Variants in LDLRAD4 observed in about 807,000 individuals in gnomAD.
LDLRAD4 encodes the protein low-density lipoprotein receptor class A domain-containing protein 4.
In LDLRAD4, 5 loss-of-function variants were observed where a neutral mutation model predicts 17.0. That is an observed-to-expected ratio of 0.29 (90% CI 0.15 to 0.62). The LOEUF (loss-of-function observed/expected upper bound fraction) is 0.62, where lower values mean the gene tolerates loss of function less well. Ranked by LOEUF, LDLRAD4 falls within the 20% of genes least tolerant of loss-of-function variation. The pLI, the probability that LDLRAD4 is intolerant of heterozygous loss-of-function variation, is 0.84. For synonymous variants in LDLRAD4, 168 were observed against 171.8 expected (o/e 0.98, Z 0.17); for missense variants, 340 against 424.7 (o/e 0.80, Z 1.75).
chr18:13,421,630 C>T (rs188319435), intron 2 of LDLRAD4, among the ~76,000 whole-genome samples: 1 of 152,266 alleles, frequency 6.6e-6, no homozygotes, highest in Non-Finnish European at 1.5e-5. Context: ...TCAGAAGGCA[C>T]CCGTGGCTGC....
chr18:13,580,581 T>A (rs1601527767), intron 3 of LDLRAD4, among the ~76,000 whole-genome samples: 1 of 152,208 alleles, frequency 6.6e-6, no homozygotes, highest in East Asian at 1.9e-4. Context: ...TGCAGGACTC[T>A]GCTGGAATGT....
At chr18:13,400,831 T>C (rs1186955139) in intron 2 of LDLRAD4, among the ~76,000 whole-genome samples, 1 of 152,202 alleles carries the variant, frequency 6.6e-6, no homozygotes, top group Non-Finnish European at 1.5e-5. Flanking sequence ...ATTTATTGAC[T>C]TCACATGTGT....
At chr18:13,588,090 A>G (rs927818371) in intron 3 of LDLRAD4, among the ~76,000 whole-genome samples, 7 of 152,210 alleles carry the variant, frequency 4.6e-5, no homozygotes, top group Admixed American at 2.0e-4. Context: ...TCGGGAAAAA[A>G]AAACCATTCT....
chr18:13,513,859 T>G (rs2093820877), intron 3 of LDLRAD4, among the ~76,000 whole-genome samples: 2 of 152,230 alleles, frequency 1.3e-5, no homozygotes, highest in African/African-American at 4.8e-5. Flanking sequence ...TGATGAAGAC[T>G]CTGATTCAAA....
intron 1 of LDLRAD4, among the ~76,000 whole-genome samples, chr18:13,301,186 C>A (rs548099837): frequency 6.6e-6 from 1 of 152,160 alleles, no homozygotes; most frequent in Non-Finnish European, 1.5e-5. Context: ...GTACCTTTAG[C>A]GTGCTGGAGA....
At chr18:13,588,498 A>G (rs983011503) in intron 3 of LDLRAD4, among the ~76,000 whole-genome samples, 2 of 152,152 alleles carry the variant, frequency 1.3e-5, no homozygotes, top group Non-Finnish European at 2.9e-5. Flanking sequence ...TCATTAAGGA[A>G]TGTATTTTAA....
chr18:13,491,018 G>A (rs2093347381), intron 3 of LDLRAD4, among the ~76,000 whole-genome samples: 1 of 152,170 alleles, frequency 6.6e-6, no homozygotes. Context: ...GGATTTAGTT[G>A]GACACAGTGG....
chr18:13,330,213 C>A (rs760795753), intron 1 of LDLRAD4, among the ~76,000 whole-genome samples: 9 of 152,184 alleles, frequency 5.9e-5, no homozygotes, highest in Non-Finnish European at 1.2e-4. Flanking sequence ...CCTGCCTTGG[C>A]CTCCCAAAGT....
intron 3 of LDLRAD4, among the ~76,000 whole-genome samples, chr18:13,508,748 A>C (rs1395279363): frequency 6.6e-6 from 1 of 152,228 alleles, no homozygotes; most frequent in Non-Finnish European, 1.5e-5. Flanking sequence ...CCTGGTCACC[A>C]AGAGCTCTGA....
chr18:13,376,869 G>C (rs1478077817), intron 1 of LDLRAD4, among the ~76,000 whole-genome samples: 1 of 152,210 alleles, frequency 6.6e-6, no homozygotes, highest in Non-Finnish European at 1.5e-5. Context: ...AGTGGAAATT[G>C]GTCTAATGAA....
intron 3 of LDLRAD4, among the ~76,000 whole-genome samples, chr18:13,446,742 C>T (rs953107160): frequency 3.3e-5 from 5 of 152,230 alleles, no homozygotes; most frequent in Non-Finnish European, 7.3e-5. Context: ...CTGTTTCTGC[C>T]ATCACCATCC....
At chr18:13,449,319 A>ACTTT (rs1421855660) in intron 3 of LDLRAD4, among the ~76,000 whole-genome samples, 1 of 152,166 alleles carries the variant, frequency 6.6e-6, no homozygotes, top group Admixed American at 6.5e-5. Context: ...CAGGGCAGAA[A>ACTTT]CTTTTCATTC....
chr18:13,503,256 G>T (rs1186569767), intron 3 of LDLRAD4, among the ~76,000 whole-genome samples: 1 of 152,158 alleles, frequency 6.6e-6, no homozygotes, highest in Non-Finnish European at 1.5e-5. Context: ...GTTGGAAATG[G>T]CAGCATTGAA....
intron 3 of LDLRAD4, among the ~76,000 whole-genome samples, chr18:13,452,313 C>T (rs1233467310): frequency 6.6e-6 from 1 of 152,148 alleles, no homozygotes; most frequent in Admixed American, 6.5e-5. Flanking sequence ...GGCTCCTGGC[C>T]ACCCTCCTTG....
At chr18:13,241,896 A>G (rs926027383) in intron 1 of LDLRAD4, 2 of 152,268 alleles carry the variant, frequency 1.3e-5, no homozygotes, top group Admixed American at 6.5e-5. Flanking sequence ...GTGATTAAAA[A>G]TAAATGTCGT....
chr18:13,500,572 G>A (rs537442415), intron 3 of LDLRAD4: 5 of 152,290 alleles, frequency 3.3e-5, no homozygotes, highest in African/African-American at 1.2e-4. Context: ...CCCTTTCGGC[G>A]GTCCTTTGTG....
At chr18:13,629,553 A>G (rs549771335) in intron 4 of LDLRAD4, among the ~76,000 whole-genome samples, 1 of 152,364 alleles carries the variant, frequency 6.6e-6, no homozygotes, top group South Asian at 2.1e-4. Flanking sequence ...AACTGATGCT[A>G]AAGGCAGTAA....
Position 13,255,439 on chromosome 18 carries a change from C to T in LDLRAD4, c.-466-22666C>T, listed in dbSNP as rs1056340991. ...ACTCTGTGCAAAGGCTGTGGGTGAG[C>T]GGTTGCCTGGAGTGGTCAAGGCCAC... is the stretch of plus-strand genomic sequence containing the variant. On this transcript the variant is annotated intron_variant, in intron 1 of 5. Coordinates refer to the LDLRAD4 transcript ENST00000399848. Among the ~76,000 whole-genome samples the T allele has an allele frequency of 5.9e-5, 9 of 152,106 alleles. No individual in the cohort carries two copies. In the East Asian group the frequency reaches 9.6e-4, roughly 16 times the overall value.
At chr18:13,630,386 T>C (rs1279925075) in intron 4 of LDLRAD4, among the ~76,000 whole-genome samples, 1 of 152,064 alleles carries the variant, frequency 6.6e-6, no homozygotes, top group Non-Finnish European at 1.5e-5. Context: ...TGATAAAATA[T>C]CAGGATGGTG....
Sources: allele counts gnomAD v4.1 joint callset (sites outside exome capture counted in the v4.1 genomes callset), GRCh38; gene constraint gnomAD v4.1.1; transcripts MANE v1.5; gene names NCBI Gene and HGNC (gene_info 2026-07-23, HGNC 2026-07-21).